Variants in PCDHA5 observed in about 807,000 individuals in gnomAD.
PCDHA5 encodes the protein protocadherin alpha-5.
Under a neutral mutation model 61.6 loss-of-function variants are expected in PCDHA5, and 43 were observed. That is an observed-to-expected ratio of 0.70 (90% CI 0.55 to 0.90). The LOEUF is 0.90. Ranked by LOEUF, PCDHA5 falls within the 40% of genes least tolerant of loss-of-function variation. The pLI, the probability that PCDHA5 is intolerant of heterozygous loss-of-function variation, is 0.00. For synonymous variants in PCDHA5, 627 were observed against 543.9 expected (o/e 1.15, Z -2.13); for missense variants, 1,298 against 1,222.7 (o/e 1.06, Z -0.92).
At chr5:140,850,010 G>C in intron 1 of PCDHA5, 1 of 1,597,002 alleles carries the variant, frequency 6.3e-7, no homozygotes. Flanking sequence ...GCTCGCTGTC[G>C]AGCTACGTGT....
At chr5:140,985,999 A>G (rs932659753) in intron 3 of PCDHA5, among the ~76,000 whole-genome samples, 10 of 152,104 alleles carry the variant, frequency 6.6e-5, no homozygotes, top group Non-Finnish European at 1.5e-4. Flanking sequence ...TCAGCCTCCC[A>G]AAGTGCTGGG....
intron 1 of PCDHA5, chr5:140,836,269 G>T: frequency 1.2e-6 from 2 of 1,613,790 alleles, no homozygotes; most frequent in Non-Finnish European, 1.7e-6. Flanking sequence ...CTGTACACTG[G>T]TGAGATCAGC....
chr5:140,869,555 G>A, intron 1 of PCDHA5: 1 of 1,614,172 alleles, frequency 6.2e-7, no homozygotes, highest in Non-Finnish European at 8.5e-7. Flanking sequence ...TCGGACTCGC[G>A]TTTTCCACTA....
At chr5:140,902,400 C>T (rs2069421777) in intron 1 of PCDHA5, among the ~76,000 whole-genome samples, 1 of 151,930 alleles carries the variant, frequency 6.6e-6, no homozygotes, top group South Asian at 2.1e-4. Flanking sequence ...ATGTTGAATA[C>T]TATGTTGAAT....
chr5:140,908,186 G>A (rs189627133), intron 1 of PCDHA5, among the ~76,000 whole-genome samples: 52 of 152,292 alleles, frequency 3.4e-4, no homozygotes, highest in African/African-American at 1.2e-3. Context: ...CCACTTTCAG[G>A]TGGTGGACAT....
intron 1 of PCDHA5, among the ~76,000 whole-genome samples, chr5:140,903,450 T>A (rs2070311741): frequency 2.6e-5 from 4 of 152,202 alleles, no homozygotes; most frequent in Admixed American, 1.3e-4. Flanking sequence ...ATTCATCTGA[T>A]CAAACTTAAA....
chr5:140,889,265 A>G (rs900785254), intron 1 of PCDHA5, among the ~76,000 whole-genome samples: 7 of 151,968 alleles, frequency 4.6e-5, no homozygotes, highest in African/African-American at 2.4e-5. Context: ...AAAAGTTTGT[A>G]TAATCTTTGA....
intron 1 of PCDHA5, among the ~76,000 whole-genome samples, chr5:140,879,850 T>C (rs935829286): frequency 3.3e-5 from 5 of 152,230 alleles, no homozygotes; most frequent in Non-Finnish European, 5.9e-5. Flanking sequence ...CACTCCCATC[T>C]CAGCCTTCTC....
Position 141,000,361 on chromosome 5 carries a change from G to GTCTCTCTC in PCDHA5, c.2501-9238_2501-9231dup, listed in dbSNP as rs148596731. 4.9e-4 allele frequency among the ~76,000 whole-genome samples: 13 copies of GTCTCTCTC among 26,444 alleles called. No individual in the cohort carries two copies. In the East Asian group the frequency reaches 6.3e-3, roughly 13 times the overall value. The allele number at this position is 26,444 out of a possible 152,430, so 17.3% of individuals were successfully genotyped here. A position where few individuals can be genotyped will look rare whatever the true frequency, so the allele number is the denominator to read the frequency against. ...CCTATCTCTCTCTCTGTCTCTCTCT[G>GTCTCTCTC]TCTCTCTCTCTCTCTCTCTCTCTCT... is the stretch of plus-strand genomic sequence containing the variant. On this transcript the variant is annotated intron_variant, in intron 3 of 3. Coordinates refer to ENST00000529859, the MANE Select transcript of PCDHA5 (RefSeq NM_018908.3).
At chr5:140,990,395 G>A (rs916362624) in intron 3 of PCDHA5, among the ~76,000 whole-genome samples, 1 of 152,116 alleles carries the variant, frequency 6.6e-6, no homozygotes, top group Non-Finnish European at 1.5e-5. Flanking sequence ...GTTCCAAGAA[G>A]GTTCACCAGC....
chr5:140,904,901 T>C (rs782489947), intron 1 of PCDHA5, among the ~76,000 whole-genome samples: 9 of 152,224 alleles, frequency 5.9e-5, no homozygotes, highest in Non-Finnish European at 1.0e-4. Context: ...TTTGTTTTTC[T>C]TACTGATTTG....
intron 1 of PCDHA5, chr5:140,929,246 C>A: frequency 6.2e-7 from 1 of 1,613,738 alleles, no homozygotes; most frequent in Non-Finnish European, 8.5e-7. Flanking sequence ...AATCTTGCCA[C>A]TGGGGTAGGA....
rs2150115049 is a variant in PCDHA5 at position 140,822,270 on chromosome 5, A to C, written c.495A>C (p.Ala165=). ...CGGATTTGGATATTGGAGCAAATGC[A>C]CAATTGAGATACAGGTTAAATCCAA... ...GASDLDIGAN[A]QLRYRLNPNE... Residue 165 remains alanine (A), a synonymous_variant, in exon 1 of 4, where the codon GCA becomes GCC. Coordinates refer to ENST00000529859, the MANE Select transcript of PCDHA5 (RefSeq NM_018908.3). 6.2e-7 allele frequency: 1 copy of C among 1,614,138 alleles called. No individual in the cohort carries two copies. The highest frequency in any genetic ancestry group is 8.5e-7 in the Non-Finnish European group (1 of 1,180,050).
chr5:140,961,647 G>C (rs1204313600), intron 1 of PCDHA5, among the ~76,000 whole-genome samples: 10 of 152,104 alleles, frequency 6.6e-5, no homozygotes, highest in African/African-American at 2.4e-4. Flanking sequence ...AAGTCTATGT[G>C]GTTAGTTTGA....
chr5:140,830,126 T>C, intron 1 of PCDHA5: 1 of 1,613,316 alleles, frequency 6.2e-7, no homozygotes, highest in Non-Finnish European at 8.5e-7. Flanking sequence ...TCCAAAGGCG[T>C]CATCACGGGC....
intron 1 of PCDHA5, chr5:140,869,524 C>T: frequency 6.2e-7 from 1 of 1,614,188 alleles, no homozygotes; most frequent in Non-Finnish European, 8.5e-7. Flanking sequence ...ACAAAAGCTG[C>T]TGATTGCGGA....
In PCDHA5 at chr5:141,010,640, G is replaced by A. The variant is rs2098417874; in HGVS notation, c.*703G>A. The A allele has an allele frequency of 5.6e-6, 1 of 179,322 alleles. No homozygotes were observed. Among genetic ancestry groups the A allele is most frequent in the South Asian group, 1.4e-4 (1 of 7,048 alleles). 11.1% of individuals were successfully genotyped at this position (179,322 alleles called of 1,614,324 possible). A position where few individuals can be genotyped will look rare whatever the true frequency, so the allele number is the denominator to read the frequency against. On this transcript the variant is annotated 3_prime_UTR_variant, in exon 4 of 4. Transcript: ENST00000529859. ...TCTGCATCATACCTGCAAGCCAACA[G>A]TTCAGTGTTTTAACAGAGAACCACC...
chr5:140,945,689 T>G (rs529270613), intron 1 of PCDHA5, among the ~76,000 whole-genome samples: 30 of 152,170 alleles, frequency 2.0e-4, no homozygotes, highest in African/African-American at 7.0e-4. Context: ...ACAGTTACTG[T>G]CCACTGATTT....
At chr5:140,905,036 T>A (rs2071554831) in intron 1 of PCDHA5, among the ~76,000 whole-genome samples, 1 of 152,222 alleles carries the variant, frequency 6.6e-6, no homozygotes, top group Non-Finnish European at 1.5e-5. Flanking sequence ...AGCTTTTTAG[T>A]TTAATTAGGT....
Sources: allele counts gnomAD v4.1 joint callset (sites outside exome capture counted in the v4.1 genomes callset), GRCh38; gene constraint gnomAD v4.1.1; transcripts MANE v1.5; gene names NCBI Gene and HGNC (gene_info 2026-07-23, HGNC 2026-07-21).